The following NRXN3 variants were observed in gnomAD, a reference collection of about 807,000 sequenced individuals.
The protein encoded by NRXN3 is neurexin 3, also known as neurexin III.
A neutral mutation model predicts 137.6 loss-of-function variants in NRXN3; 32 were observed. The ratio of observed to expected loss-of-function variants is 0.23; its 90% CI spans 0.18 to 0.31. The LOEUF (loss-of-function observed/expected upper bound fraction) is 0.31. NRXN3 is among the 10% of genes least tolerant of loss of function. The probability of loss-of-function intolerance (pLI) is 1.00; values close to 1 mark genes in which losing one functional copy is unlikely to be tolerated. For synonymous variants in NRXN3, 798 were observed against 784.5 expected (o/e 1.02, Z -0.29); for missense variants, 1,574 against 2,062.5 (o/e 0.76, Z 4.59).
chr14:79,733,212 GT>G (rs1291486290), intron 19 of NRXN3, among the ~76,000 whole-genome samples: 1 of 152,170 alleles, frequency 6.6e-6, no homozygotes, highest in Non-Finnish European at 1.5e-5. Context: ...TTAAAAAAAT[GT>G]GTTTGTTTTA....
chr14:79,244,099 G>A (rs962451437), intron 15 of NRXN3, among the ~76,000 whole-genome samples: 1 of 152,048 alleles, frequency 6.6e-6, no homozygotes, highest in Non-Finnish European at 1.5e-5. Flanking sequence ...AATGATTTGG[G>A]TAGAAAGAAA....
intron 15 of NRXN3, among the ~76,000 whole-genome samples, chr14:79,254,844 T>TCCTTCATTTCTCCCTTTCTC (rs2076377959): frequency 6.6e-6 from 1 of 150,992 alleles, no homozygotes; most frequent in Non-Finnish European, 1.5e-5. Flanking sequence ...TTTCCTTCTT[T>TCCTTCATTTCTCCCTTTCTC]CCTTCCTTTC....
intron 20 of NRXN3, among the ~76,000 whole-genome samples, chr14:79,818,050 T>TG (rs1293533452): frequency 4.5e-5 from 6 of 134,004 alleles, no homozygotes; most frequent in Admixed American, 2.9e-4. Context: ...ACTTGGGTTT[T>TG]TTTTTTTTTT....
At chr14:78,925,407 T>G (rs919318892) in intron 10 of NRXN3, among the ~76,000 whole-genome samples, 12 of 152,176 alleles carry the variant, frequency 7.9e-5, no homozygotes, top group African/African-American at 2.7e-4. Context: ...ACACTACACT[T>G]GCCATGGTAC....
At chr14:79,101,463 T>C (rs1348904245) in intron 15 of NRXN3, among the ~76,000 whole-genome samples, 1 of 152,198 alleles carries the variant, frequency 6.6e-6, no homozygotes, top group South Asian at 2.1e-4. Context: ...ATGAGGATGG[T>C]TCTTCAGTCA....
chr14:79,822,912 A>G (rs968986543), intron 20 of NRXN3, among the ~76,000 whole-genome samples: 4 of 152,256 alleles, frequency 2.6e-5, no homozygotes, highest in African/African-American at 9.6e-5. Flanking sequence ...AAAGAAAGAC[A>G]GAAACTTCTA....
At position 79,116,894 on chromosome 14, in the gene NRXN3, T is replaced by G. The variant is rs188829342; in HGVS notation, c.3262+128753T>G. On this transcript the variant is annotated intron_variant, in intron 15 of 20. Transcript: ENST00000335750. ...AGGTAGTGATTCTCAAAAGTTATTC[T>G]CAGTCTTCCTTCTTCTCCATGCCTT... Among the ~76,000 whole-genome samples, 67 of 152,370 alleles carry G rather than the reference T, an allele frequency of 4.4e-4. No individual in the cohort carries two copies. In the East Asian group the frequency reaches 4.8e-3, roughly 11 times the overall value.
At chr14:79,854,467 C>T (rs1312305740) in intron 20 of NRXN3, among the ~76,000 whole-genome samples, 1 of 151,936 alleles carries the variant, frequency 6.6e-6, no homozygotes, top group Non-Finnish European at 1.5e-5. Flanking sequence ...TCATTTGTGT[C>T]GATTTGCTGA....
chr14:79,192,316 G>A (rs958033061), intron 15 of NRXN3, among the ~76,000 whole-genome samples: 2 of 141,784 alleles, frequency 1.4e-5, no homozygotes, highest in African/African-American at 2.5e-5. Context: ...CAAGATTAAA[G>A]TGCTTAGCTC....
intron 8 of NRXN3, among the ~76,000 whole-genome samples, chr14:78,748,492 T>G (rs2152944728): frequency 6.6e-6 from 1 of 152,152 alleles, no homozygotes; most frequent in Admixed American, 6.5e-5. Context: ...CAATGAGAAA[T>G]TATTGAAAGA....
chr14:78,539,217 G>C (rs1436591611), intron 4 of NRXN3, among the ~76,000 whole-genome samples: 1 of 152,170 alleles, frequency 6.6e-6, no homozygotes, highest in Non-Finnish European at 1.5e-5. Flanking sequence ...ACCTCTGGTA[G>C]AATTTGGCAG....
intron 10 of NRXN3, among the ~76,000 whole-genome samples, chr14:78,886,448 C>T (rs1183226588): frequency 6.6e-6 from 1 of 151,928 alleles, no homozygotes; most frequent in Non-Finnish European, 1.5e-5. Flanking sequence ...TATTCTCTGC[C>T]TTCTTCTCTT....
chr14:79,032,647 C>T (rs1446536892), intron 15 of NRXN3, among the ~76,000 whole-genome samples: 1 of 152,200 alleles, frequency 6.6e-6, no homozygotes, highest in African/African-American at 2.4e-5. Flanking sequence ...ATTCATCTTT[C>T]TTCCACTTAA....
At chr14:79,714,027 A>G (rs971183893) in intron 19 of NRXN3, among the ~76,000 whole-genome samples, 1 of 152,170 alleles carries the variant, frequency 6.6e-6, no homozygotes, top group African/African-American at 2.4e-5. Flanking sequence ...CTTTATCACC[A>G]TAATATATTT....
chr14:78,414,441 T>C (rs2093018005), intron 4 of NRXN3, among the ~76,000 whole-genome samples: 1 of 152,216 alleles, frequency 6.6e-6, no homozygotes, highest in African/African-American at 2.4e-5. Flanking sequence ...TCCCTTTCTA[T>C]CTTTTTAGAC....
intron 16 of NRXN3, among the ~76,000 whole-genome samples, chr14:79,652,024 A>G (rs1436802436): frequency 1.3e-5 from 2 of 152,148 alleles, no homozygotes; most frequent in Non-Finnish European, 2.9e-5. Context: ...GCCACTGTTT[A>G]AGGACGATAT....
chr14:79,355,268 C>T (rs775468608), intron 15 of NRXN3, among the ~76,000 whole-genome samples: 2 of 149,568 alleles, frequency 1.3e-5, no homozygotes, highest in Non-Finnish European at 1.5e-5. Context: ...CCCCTTCCTT[C>T]CCTCCTTCCT....
At chr14:79,136,031 G>A (rs1170687874) in intron 15 of NRXN3, among the ~76,000 whole-genome samples, 1 of 151,872 alleles carries the variant, frequency 6.6e-6, no homozygotes, top group Non-Finnish European at 1.5e-5. Context: ...TTTTGCCAAG[G>A]GTACACTCAC....
At chr14:79,203,680 C>G (rs943783624) in intron 15 of NRXN3, among the ~76,000 whole-genome samples, 5 of 152,154 alleles carry the variant, frequency 3.3e-5, no homozygotes, top group African/African-American at 1.2e-4. Context: ...TGTGCTAAAG[C>G]TTTGCAATAA....
Sources: gnomAD v4.1 joint callset for allele counts (sites outside exome capture counted in the v4.1 genomes callset) on GRCh38, gnomAD v4.1.1 for gene constraint, MANE v1.5 for transcripts, NCBI Gene and HGNC (gene_info 2026-07-23, HGNC 2026-07-21) for gene names.